Variants in SEC16B observed in about 807,000 individuals in gnomAD.
The protein encoded by SEC16B is protein transport protein Sec16B.
In SEC16B, 115 loss-of-function variants were observed where a neutral mutation model predicts 141.8. That is an observed-to-expected ratio of 0.81 (90% CI 0.70 to 0.95). The LOEUF (loss-of-function observed/expected upper bound fraction) is 0.95. Ranked by LOEUF, SEC16B falls within the 40% of genes least tolerant of loss-of-function variation. The pLI is 0.00. For synonymous variants in SEC16B, 493 were observed against 492.5 expected (o/e 1.00, Z -0.01); for missense variants, 1,291 against 1,312.3 (o/e 0.98, Z 0.25).
At chr1:177,954,406 G>A (rs2101961596) in intron 10 of SEC16B, 30 bp from the exon 11 acceptor site, 1 of 1,529,190 alleles carries the variant, frequency 6.5e-7, no homozygotes, top group East Asian at 2.4e-5. Context: ...ATTCAAGAGT[G>A]CCTTTCCCAC....
At chr1:177,980,132 G>A (rs1654345703) in intron 1 of SEC16B, among the ~76,000 whole-genome samples, 2 of 152,238 alleles carry the variant, frequency 1.3e-5, no homozygotes, top group African/African-American at 4.8e-5. Context: ...CTTGCTAGAC[G>A]TATTCCCTTT....
chr1:177,971,014 C>T (rs1164153207), upstream of SEC16B, among the ~76,000 whole-genome samples: 12 of 152,188 alleles, frequency 7.9e-5, no homozygotes, highest in Admixed American at 6.5e-4. Context: ...AAGATTTTCT[C>T]TCAGCCCCTC....
intron 20 of SEC16B, among the ~76,000 whole-genome samples, chr1:177,934,278 C>A (rs1203276724): frequency 6.6e-6 from 1 of 152,138 alleles, no homozygotes; most frequent in Admixed American, 6.5e-5. Context: ...TTTTCATCAT[C>A]CCCATTACCT....
rs931731448 is a variant in SEC16B at position 177,932,787 on chromosome 1, G to A, written c.2843C>T (p.Ser948Phe). ...GAGGCCCAGGCCAGCCTGGTGGGGAGAAGATGCTCTGGGGGTCTCCTGCTT... is the reference window on the plus strand; with the variant it reads ...GAGGCCCAGGCCAGCCTGGTGGGGAAAAGATGCTCTGGGGGTCTCCTGCTT... ...PDSEETPRASSPHQAGLGLSL... is the reference protein window; with the variant it reads ...PDSEETPRASFPHQAGLGLSL... Residue 948 changes from serine to phenylalanine, a missense_variant, in exon 23 of 26, where the codon TCT becomes TTT. By Grantham distance (155) the Ser-to-Phe change is radical (BLOSUM62 -2). Around this residue, in one of 3 missense-constraint regions of SEC16B, gnomAD observed 605 missense variants for 614.1 expected, o/e 0.99. Transcript: ENST00000308284. 3 of 1,612,442 alleles carry A rather than the reference G, an allele frequency of 1.9e-6. No individual in the cohort carries two copies. The highest frequency in any genetic ancestry group is 2.5e-6 in the Non-Finnish European group (3 of 1,179,472).
At chr1:177,936,215 A>G in intron 20 of SEC16B, 83 bp downstream of exon 20, 1 of 1,067,902 alleles carries the variant, frequency 9.4e-7, no homozygotes, top group South Asian at 1.4e-5. Context: ...AGGAGCTTGC[A>G]TGTGGCTGGG....
intron 12 of SEC16B, among the ~76,000 whole-genome samples, chr1:177,951,533 C>T (rs547082586): frequency 1.3e-5 from 2 of 152,306 alleles, no homozygotes; most frequent in Admixed American, 1.3e-4. Flanking sequence ...GGGAAGCCTG[C>T]AGAACAGGCA....
Position 177,949,424 on chromosome 1 carries a change from AC to A in SEC16B, c.1546-1483del, listed in dbSNP as rs1187724698. Reference sequence around the variant, plus strand: ...CACACACACACACACACACACACACACACACAAAGAAAAACTTAGAGGTCAT... The same window carrying A: ...CACACACACACACACACACACACACAACACAAAGAAAAACTTAGAGGTCAT... On this transcript the variant is annotated intron_variant, in intron 12 of 25. Coordinates refer to ENST00000308284, the MANE Select transcript of SEC16B (RefSeq NM_033127.4). Among the ~76,000 whole-genome samples the A allele has an allele frequency of 1.9e-3, 288 of 150,976 alleles. 3 individuals carry two copies. Among genetic ancestry groups the A allele is most frequent in the Middle Eastern group, 0.01 (3 of 294 alleles).
At chr1:177,960,624 C>T (rs770973855) in intron 7 of SEC16B, 167 bp downstream of exon 7, 16 of 748,058 alleles carry the variant, frequency 2.1e-5, no homozygotes, top group Non-Finnish European at 3.3e-5. Flanking sequence ...AAGAGCCCCA[C>T]CCATTCCTGC....
Position 177,954,319 on chromosome 1 carries a change from T to C in SEC16B, c.1423A>G (p.Ser475Gly). Reference sequence around the variant, plus strand: ...CTGTAGGTCTGTGGGTCCATCTTGCTGGACAGGAACAAAGCATGGCCCCAC... The same window carrying C: ...CTGTAGGTCTGTGGGTCCATCTTGCCGGACAGGAACAAAGCATGGCCCCAC... ...HLWGHALFLSSKMDPQTYSWV... is the reference protein window; with the variant it reads ...HLWGHALFLSGKMDPQTYSWV... Residue 475 changes from serine to glycine, a missense_variant, in exon 11 of 26, where the codon AGC (serine) becomes GGC (glycine). Around this residue, in one of 3 missense-constraint regions of SEC16B, gnomAD observed 681 missense variants for 675.5 expected, o/e 1.01. Coordinates refer to ENST00000308284, the MANE Select transcript of SEC16B (RefSeq NM_033127.4). The C allele has an allele frequency of 6.4e-7, 1 of 1,574,084 alleles. No homozygotes were observed. The highest frequency in any genetic ancestry group is 2.3e-5 in the East Asian group (1 of 42,720).
rs374883877 is a variant in SEC16B, at chr1:177,932,476, G to A, written c.3012+14C>T. On this transcript the variant is annotated intron_variant, in intron 24 of 25. Coordinates refer to ENST00000308284, the MANE Select transcript of SEC16B (RefSeq NM_033127.4). ...TGCTGGGGTCCGAGGCTCCAGCCCA[G>A]GGGGGCCGCTTACCTCTGGTCCAGA... 1 of 1,520,038 alleles carries A rather than the reference G, an allele frequency of 6.6e-7. No homozygotes were observed. Among genetic ancestry groups the A allele is most frequent in the East Asian group, 2.5e-5 (1 of 40,620 alleles). 94.2% of individuals were successfully genotyped at this position (1,520,038 alleles called of 1,614,324 possible). A position where few individuals can be genotyped will look rare whatever the true frequency, so the allele number is the denominator to read the frequency against.
Position 177,947,850 on chromosome 1 carries a change from C to T in SEC16B, c.1638G>A (p.Ala546=), listed in dbSNP as rs1486390420. ...QAGDPELYQR[A]IVAIGDTLAG... is the part of the protein sequence containing the mutation. ...CCAGGGTGTCCCCAATGGCAACAAT[C>T]GCACGCTGATACAGCTCTGGGTCCC... The change falls in exon 13 of 26, where the codon GCG becomes GCA. Residue 546 remains alanine (A), a synonymous_variant. Coordinates refer to ENST00000308284, the MANE Select transcript of SEC16B (RefSeq NM_033127.4). 5.1e-6 allele frequency: 8 copies of T among 1,557,302 alleles called. No individual in the cohort carries two copies. The highest frequency in any genetic ancestry group is 6.1e-6 in the Non-Finnish European group (7 of 1,150,946).
At chr1:177,969,624 T>G (rs149006272) in intron 1 of SEC16B, among the ~76,000 whole-genome samples, 1 of 152,278 alleles carries the variant, frequency 6.6e-6, no homozygotes, top group Non-Finnish European at 1.5e-5. Flanking sequence ...CAACACCCAA[T>G]CTTTCCACTG....
chr1:177,939,802 T>C, intron 17 of SEC16B, 25 bp from the exon 18 acceptor site: 1 of 1,514,334 alleles, frequency 6.6e-7, no homozygotes, highest in South Asian at 1.2e-5. Flanking sequence ...GTAAAATTCC[T>C]TTTAAGCAGC....
Position 177,948,130 on chromosome 1 carries a change from T to C in SEC16B, c.1546-188A>G, listed in dbSNP as rs1651876764. 3.3e-5 allele frequency among the ~76,000 whole-genome samples: 5 copies of C among 152,140 alleles called. No individual in the cohort carries two copies. In the South Asian group the frequency reaches 1.0e-3, roughly 32 times the overall value. Reference sequence around the variant, plus strand: ...AGTAAAACTGTCAGAAGGACACAGATAGACAGATACGTGTACATGCATACA... The same window carrying C: ...AGTAAAACTGTCAGAAGGACACAGACAGACAGATACGTGTACATGCATACA... On this transcript the variant is annotated intron_variant, in intron 12 of 25. Coordinates refer to ENST00000308284, the MANE Select transcript of SEC16B (RefSeq NM_033127.4).
intron 1 of SEC16B, among the ~76,000 whole-genome samples, chr1:177,968,740 C>T (rs532329956): frequency 6.6e-6 from 1 of 152,278 alleles, no homozygotes; most frequent in South Asian, 2.1e-4. Context: ...CTTACATTAA[C>T]CCCCTCAAAG....
At chr1:177,978,385 T>C (rs1051746965) in intron 1 of SEC16B, among the ~76,000 whole-genome samples, 2 of 152,050 alleles carry the variant, frequency 1.3e-5, no homozygotes, top group East Asian at 1.9e-4. Context: ...CAACAAATGG[T>C]TGGTATCAAC....
intron 2 of SEC16B, among the ~76,000 whole-genome samples, 166 bp from the exon 3 acceptor site, chr1:177,966,171 A>G (rs1653502959): frequency 6.6e-6 from 1 of 152,248 alleles, no homozygotes; most frequent in Non-Finnish European, 1.5e-5. Context: ...ACAGAATCAA[A>G]GCAGGAGTCA....
At chr1:177,948,902 C>T (rs1200669712) in intron 12 of SEC16B, among the ~76,000 whole-genome samples, 1 of 147,184 alleles carries the variant, frequency 6.8e-6, no homozygotes, top group Non-Finnish European at 1.5e-5. Context: ...TGCACTTAAT[C>T]AATTACATGT....
rs754780259 is a variant in SEC16B, at chr1:177,958,319, C to A, written c.1178G>T (p.Cys393Phe). ...CCGCTTGTACTTCTCCAGCTTCTTG[C>A]AGTCTTGCATTAGCAGCTCAGCGAT... is the stretch of plus-strand genomic sequence containing the variant. ...SDIAELLMQD[C>F]KKLEKYKRQP... Residue 393 changes from cysteine to phenylalanine, a missense_variant, in exon 10 of 26, where the codon TGC becomes TTC. This residue lies in a region of SEC16B where 681 missense variants were observed against 675.5 expected (regional missense o/e 1.01). Coordinates refer to ENST00000308284, the MANE Select transcript of SEC16B (RefSeq NM_033127.4). The A allele has an allele frequency of 2.5e-6, 4 of 1,608,856 alleles. No homozygotes were observed. The African/African-American group carries it at 5.3e-5, about 22-fold the overall frequency.
Sources: allele counts gnomAD v4.1 joint callset (sites outside exome capture counted in the v4.1 genomes callset), GRCh38; gene constraint gnomAD v4.1.1; regional missense constraint gnomAD v4.1.1; transcripts MANE v1.5; gene names NCBI Gene and HGNC (gene_info 2026-07-23, HGNC 2026-07-21).